Variants in HMCN1 observed in about 807,000 individuals in gnomAD.
HMCN1 encodes hemicentin-1.
Under a neutral mutation model 625.9 loss-of-function variants are expected in HMCN1, and 321 were observed. That is an observed-to-expected ratio of 0.51 (90% CI 0.47 to 0.56). HMCN1 has a LOEUF of 0.56. Among genes scored for constraint, HMCN1 ranks in the 20% least tolerant of loss-of-function variants. HMCN1 has a pLI of 0.00. For synonymous variants in HMCN1, 2,425 were observed against 2,417.6 expected, an observed-to-expected ratio of 1.00 and a Z score of -0.09; for missense variants, 6,588 against 6,887.3, an observed-to-expected ratio of 0.96 and a Z score of 1.54.
chr1:186,053,422 A>G (rs1657100272), intron 43 of HMCN1, among the ~76,000 whole-genome samples: 1 of 152,016 alleles, frequency 6.6e-6, no homozygotes, highest in Non-Finnish European at 1.5e-5. Context: ...TTCCTGGGTG[A>G]TTGGTTCAGT....
chr1:185,947,860 A>T (rs926391288), intron 11 of HMCN1, among the ~76,000 whole-genome samples: 1 of 152,248 alleles, frequency 6.6e-6, no homozygotes, highest in Non-Finnish European at 1.5e-5. Context: ...TCCATTGTAA[A>T]TCATTCTTAG....
chr1:186,171,982 C>T, intron 101 of HMCN1, 24 bp from the exon 102 acceptor site: 1 of 1,610,030 alleles, frequency 6.2e-7, no homozygotes, highest in Non-Finnish European at 8.5e-7. Flanking sequence ...TCTTAATCTA[C>T]ATTACCTTTG....
chr1:185,789,039 T>C (rs909538224), intron 1 of HMCN1, among the ~76,000 whole-genome samples: 29 of 152,232 alleles, frequency 1.9e-4, no homozygotes, highest in African/African-American at 6.3e-4. Flanking sequence ...TTTATTAAAA[T>C]TCCCAAAGAC....
chr1:185,904,161 G>A (rs183030797), intron 4 of HMCN1, among the ~76,000 whole-genome samples: 1 of 151,812 alleles, frequency 6.6e-6, no homozygotes, highest in Admixed American at 6.6e-5. Flanking sequence ...TCCCACCTGG[G>A]TGCTCAATAA....
In HMCN1 at chr1:185,972,491, A is replaced by G. The variant is rs141898261; in HGVS notation, c.2371+1998A>G. ...AGTGAATTTTATTTTATCTTCACTT[A>G]TACTCAAGATCTTCATTCTCTGTGA... On this transcript the variant is annotated intron_variant, in intron 15 of 106. Transcript: ENST00000271588. Among the ~76,000 whole-genome samples, 706 of 152,300 alleles carry G rather than the reference A, an allele frequency of 4.6e-3. 6 individuals carry two copies. Among genetic ancestry groups the G allele is most frequent in the African/African-American group, 0.016 (681 of 41,574 alleles).
chr1:186,019,448 T>C (rs1654571746), intron 34 of HMCN1, 93 bp from the exon 35 acceptor site: 1 of 876,880 alleles, frequency 1.1e-6, no homozygotes. Context: ...TTTTTTTTTC[T>C]AAATTTTAAG....
At chr1:185,991,712 TA>T (rs527701139) in intron 22 of HMCN1, among the ~76,000 whole-genome samples, 6,673 of 148,436 alleles carry the variant, frequency 0.045, 474 homozygotes, top group African/African-American at 0.15. Flanking sequence ...TTCTTTTTTT[TA>T]AAAAAAAAAA....
chr1:185,996,760 C>T (rs561141051), intron 24 of HMCN1, among the ~76,000 whole-genome samples: 9 of 152,176 alleles, frequency 5.9e-5, no homozygotes, highest in East Asian at 1.9e-4. Flanking sequence ...ATAGAGTTCT[C>T]AAGAATAACT....
intron 26 of HMCN1, 52 bp downstream of exon 26, chr1:186,000,291 A>T (rs1653091840): frequency 7.6e-7 from 1 of 1,307,586 alleles, no homozygotes; most frequent in African/African-American, 1.5e-5. Flanking sequence ...TCCAGTTCTT[A>T]AATGTTTAAA....
chr1:186,174,083 C>T (rs561134556), intron 102 of HMCN1, among the ~76,000 whole-genome samples: 2 of 152,120 alleles, frequency 1.3e-5, no homozygotes, highest in Non-Finnish European at 2.9e-5. Flanking sequence ...AAGGTTAAGG[C>T]ATTGAGGGTG....
At chr1:185,872,048 C>A (rs1437626599) in intron 4 of HMCN1, among the ~76,000 whole-genome samples, 1 of 152,096 alleles carries the variant, frequency 6.6e-6, no homozygotes, top group East Asian at 1.9e-4. Flanking sequence ...GTATCAGGGA[C>A]AACTATAATG....
At chr1:186,043,446 C>T (rs1656345000) in intron 40 of HMCN1, among the ~76,000 whole-genome samples, 1 of 152,102 alleles carries the variant, frequency 6.6e-6, no homozygotes, top group Non-Finnish European at 1.5e-5. Context: ...TTTTTCCTCT[C>T]ATTTAAAAAA....
At chr1:186,037,564 T>G (rs1655918506) in intron 36 of HMCN1, among the ~76,000 whole-genome samples, 2 of 152,212 alleles carry the variant, frequency 1.3e-5, no homozygotes, top group Admixed American at 1.3e-4. Flanking sequence ...TGTTGATTTC[T>G]TCTTCACTGG....
rs61058896 is a variant in HMCN1 at position 185,794,343 on chromosome 1, T to TTA, written c.269-51667_269-51666dup. The stretch of plus-strand genomic sequence containing the variant: ...AGAGGGACAGAACTAAGAGGATAGA[T>TTA]TATATATATATATATATGTGAGTTT... On this transcript the variant is annotated intron_variant, in intron 1 of 106. Coordinates refer to ENST00000271588, the MANE Select transcript of HMCN1 (RefSeq NM_031935.3). 5.3e-3 allele frequency among the ~76,000 whole-genome samples: 776 copies of TTA among 147,596 alleles called. 4 individuals are homozygous for TTA. The highest frequency in any genetic ancestry group is 8.5e-3 in the East Asian group (43 of 5,078).
rs1661314547 is a variant in HMCN1, at chr1:186,119,857, A to G, written c.12069A>G (p.Lys4023=). The G allele has an allele frequency of 6.2e-7, 1 of 1,614,020 alleles. No individual in the cohort carries two copies. ...CCAGTCCTTTCATTACTTGGCAAAA[A>G]GAAGGCATCAATGTTAACACTTCAG... ...GTPSPFITWQ[K]EGINVNTSGR... is the part of the protein sequence containing the mutation. Residue 4023 remains lysine, a synonymous_variant, in exon 79 of 107, where the codon AAA becomes AAG. Coordinates refer to ENST00000271588, the MANE Select transcript of HMCN1 (RefSeq NM_031935.3).
intron 1 of HMCN1, among the ~76,000 whole-genome samples, chr1:185,817,444 G>A (rs945852127): frequency 2.0e-5 from 3 of 152,118 alleles, no homozygotes; most frequent in South Asian, 2.1e-4. Flanking sequence ...GGCCCAGGGC[G>A]GGGTGTGTGA....
At chr1:186,114,723 A>T in intron 73 of HMCN1, 96 bp from the exon 74 acceptor site, 1 of 1,421,184 alleles carries the variant, frequency 7.0e-7, no homozygotes, top group Admixed American at 1.7e-5. Flanking sequence ...AAAATACTGA[A>T]TGGATTTCAC....
At chr1:186,104,111 GGTTTA>G (rs1660505407) in intron 69 of HMCN1, among the ~76,000 whole-genome samples, 1 of 152,040 alleles carries the variant, frequency 6.6e-6, no homozygotes, top group African/African-American at 2.4e-5. Context: ...AAATTGACTT[GGTTTA>G]GTTTATGTTT....
chr1:185,984,252 T>C lies in HMCN1; in HGVS notation c.2874T>C (p.Tyr958=), dbSNP rs1178309766. 1.2e-6 allele frequency: 2 copies of C among 1,613,972 alleles called. No individual in the cohort carries two copies. Among genetic ancestry groups the C allele is most frequent in the South Asian group, 2.2e-5 (2 of 91,078 alleles). Residue 958 remains tyrosine (Y), a synonymous_variant, in exon 19 of 107, where the codon TAT becomes TAC. Transcript: ENST00000271588. ...ERVQLQDGGE[Y]TCVASNVAGT... is the part of the protein sequence containing the mutation. ...TTCAGCTTCAGGATGGTGGTGAATA[T>C]ACTTGTGTGGCCAGTAACGTTGCTG...
Sources: allele counts gnomAD v4.1 joint callset (sites outside exome capture counted in the v4.1 genomes callset), GRCh38; gene constraint gnomAD v4.1.1; transcripts MANE v1.5; gene names NCBI Gene and HGNC (gene_info 2026-07-23, HGNC 2026-07-21).